The following EFCAB6 variants were observed in gnomAD, a reference collection of about 807,000 sequenced individuals.
EFCAB6 encodes the protein EF-hand calcium binding domain 6, also known as EF-hand calcium-binding domain-containing protein 6.
In EFCAB6, 156 loss-of-function variants were observed where a neutral mutation model predicts 169.8. The ratio of observed to expected loss-of-function variants is 0.92; its 90% CI spans 0.81 to 1.05. The LOEUF is 1.05. Among genes scored for constraint, EFCAB6 ranks in the 50% least tolerant of loss-of-function variants. EFCAB6 has a pLI of 0.00. For missense variants in EFCAB6, 1,800 were observed against 1,829.1 expected, an observed-to-expected ratio of 0.98 and a Z score of 0.29; for synonymous variants, 698 against 676.4, an observed-to-expected ratio of 1.03 and a Z score of -0.50.
rs376851327 is a variant in EFCAB6 at position 43,555,059 on chromosome 22, G to C, written c.3458C>G (p.Pro1153Arg). The change falls in exon 27 of 32, where the codon CCG becomes CGG. Residue 1153 changes from proline (P) to arginine (R), a missense_variant. Transcript: ENST00000262726. ...DEWAEKMPKG[P>R]PPTSPKATAD... Reference sequence around the variant, plus strand: ...TGTGGCCTTGGGAGAGGTAGGCGGCGGGCCTTTGGGCATTTTCTCAGCCCA... The same window carrying C: ...TGTGGCCTTGGGAGAGGTAGGCGGCCGGCCTTTGGGCATTTTCTCAGCCCA... The C allele has an allele frequency of 2.5e-6, 4 of 1,614,146 alleles. No homozygotes were observed. Among genetic ancestry groups the C allele is most frequent in the Non-Finnish European group, 1.7e-6 (2 of 1,180,036 alleles).
intron 10 of EFCAB6, among the ~76,000 whole-genome samples, chr22:43,708,486 A>C (rs780102566): frequency 6.6e-6 from 1 of 152,176 alleles, no homozygotes; most frequent in Non-Finnish European, 1.5e-5. Flanking sequence ...ATACAAAATA[A>C]GAGGTAGGGG....
intron 8 of EFCAB6, among the ~76,000 whole-genome samples, chr22:43,726,710 T>C (rs1469801596): frequency 6.6e-6 from 1 of 152,142 alleles, no homozygotes; most frequent in East Asian, 1.9e-4. Flanking sequence ...ATCTCCAACA[T>C]CTGTGAATAA....
chr22:43,749,126 C>T (rs938421112), intron 6 of EFCAB6, among the ~76,000 whole-genome samples: 1 of 152,092 alleles, frequency 6.6e-6, no homozygotes, highest in Non-Finnish European at 1.5e-5. Flanking sequence ...ACATAACTTG[C>T]TGACGGCCTG....
At chr22:43,634,984 C>T (rs899419187) in intron 18 of EFCAB6, 118 bp downstream of exon 18, 10 of 733,802 alleles carry the variant, frequency 1.4e-5, no homozygotes, top group South Asian at 6.6e-5. Flanking sequence ...GAAGACACCT[C>T]GTTTCAACAT....
In EFCAB6 at chr22:43,531,005, A is replaced by C. The variant is rs1478486603; in HGVS notation, c.4234-41T>G. 3 of 1,611,984 alleles carry C rather than the reference A, an allele frequency of 1.9e-6. No individual in the cohort carries two copies. In the Admixed American group the frequency reaches 5.0e-5, roughly 27 times the overall value. On this transcript the variant is annotated intron_variant, in intron 30 of 31. Coordinates refer to ENST00000262726, the MANE Select transcript of EFCAB6 (RefSeq NM_022785.4). ...GAAGGGGTGAGGAGGGAGCTTTTGA[A>C]CACGAGGGTTGGGGTGGGCTCCTCC... is the stretch of plus-strand genomic sequence containing the variant.
At chr22:43,801,525 A>G (rs1009595476) in intron 2 of EFCAB6, among the ~76,000 whole-genome samples, 15 of 152,184 alleles carry the variant, frequency 9.9e-5, no homozygotes, top group African/African-American at 3.4e-4. Context: ...AGCTACTACA[A>G]CCTGTTGAGA....
chr22:43,738,416 CACAT>C (rs1183914268), intron 6 of EFCAB6, among the ~76,000 whole-genome samples: 7 of 151,824 alleles, frequency 4.6e-5, no homozygotes, highest in Admixed American at 1.3e-4. Context: ...ATCTCTCACA[CACAT>C]ACATTCACAT....
At chr22:43,716,599 T>A (rs921381289) in intron 9 of EFCAB6, 1 of 401,038 alleles carries the variant, frequency 2.5e-6, no homozygotes, top group African/African-American at 2.1e-5. Context: ...TTTCTTTATA[T>A]GTCTTATTAG....
At chr22:43,791,117 G>C (rs1233005203) in intron 2 of EFCAB6, among the ~76,000 whole-genome samples, 1 of 152,110 alleles carries the variant, frequency 6.6e-6, no homozygotes, top group African/African-American at 2.4e-5. Context: ...AAAAGTTTGA[G>C]AATCCCAGCA....
chr22:43,802,736 G>T, intron 2 of EFCAB6: 1 of 506,578 alleles, frequency 2.0e-6, no homozygotes, highest in East Asian at 5.4e-5. Context: ...TGCCAAAACA[G>T]ACCGGGCACA....
intron 21 of EFCAB6, among the ~76,000 whole-genome samples, chr22:43,609,386 A>G (rs2053149150): frequency 6.6e-6 from 1 of 152,248 alleles, no homozygotes; most frequent in African/African-American, 2.4e-5. Context: ...TACAATTATT[A>G]TTATTCACTG....
In EFCAB6 at chr22:43,754,012, G is replaced by A. The variant is rs139585453; in HGVS notation, c.507+1754C>T. Among the ~76,000 whole-genome samples, 253 of 152,266 alleles carry A rather than the reference G, an allele frequency of 1.7e-3. 1 individual carries two copies. Among genetic ancestry groups the A allele is most frequent in the Non-Finnish European group, 2.1e-3 (143 of 68,028 alleles). ...CAGTCTCCAACATTAGTGTGTGACC[G>A]TTAGAAGGGTCAGAGTCTTCATTAG... On this transcript the variant is annotated intron_variant, in intron 6 of 31. Coordinates refer to ENST00000262726, the MANE Select transcript of EFCAB6 (RefSeq NM_022785.4).
At chr22:43,608,454 AAACC>A (rs1198197751) in intron 22 of EFCAB6, 24 bp downstream of exon 22, 1 of 1,607,910 alleles carries the variant, frequency 6.2e-7, no homozygotes, top group Non-Finnish European at 8.5e-7. Context: ...ATAAGAATGG[AAACC>A]AACCAGTCTC....
At chr22:43,624,112 T>G (rs2054322010) in intron 20 of EFCAB6, among the ~76,000 whole-genome samples, 1 of 152,030 alleles carries the variant, frequency 6.6e-6, no homozygotes, top group Admixed American at 6.5e-5. Context: ...GAGCCCGCAC[T>G]CCTTCATCTG....
intron 3 of EFCAB6, among the ~76,000 whole-genome samples, chr22:43,780,684 C>T (rs1221293406): frequency 2.0e-5 from 3 of 152,026 alleles, no homozygotes; most frequent in Non-Finnish European, 4.4e-5. Flanking sequence ...CTAAGCTAAT[C>T]CCTAATATCC....
At chr22:43,692,758 G>T (rs1374928671) in intron 10 of EFCAB6, among the ~76,000 whole-genome samples, 1 of 151,888 alleles carries the variant, frequency 6.6e-6, no homozygotes, top group Non-Finnish European at 1.5e-5. Flanking sequence ...ATACTAGATG[G>T]TCTGACATAT....
intron 25 of EFCAB6, among the ~76,000 whole-genome samples, chr22:43,576,708 C>T (rs2050279398): frequency 6.6e-6 from 1 of 152,094 alleles, no homozygotes; most frequent in African/African-American, 2.4e-5. Context: ...AGGAAATTTG[C>T]CTTACTTGCT....
chr22:43,638,312 C>A (rs904152759), intron 17 of EFCAB6, among the ~76,000 whole-genome samples: 2 of 152,220 alleles, frequency 1.3e-5, no homozygotes, highest in East Asian at 3.8e-4. Context: ...AATGTTTAAC[C>A]ATTCAAGTCA....
intron 1 of EFCAB6, among the ~76,000 whole-genome samples, chr22:43,811,687 TG>T (rs1243351670): frequency 6.6e-6 from 1 of 152,120 alleles, no homozygotes; most frequent in African/African-American, 2.4e-5. Flanking sequence ...CTAAGATAGT[TG>T]TGTGACTTTG....
Sources: gnomAD v4.1 joint callset for allele counts (sites outside exome capture counted in the v4.1 genomes callset) on GRCh38, gnomAD v4.1.1 for gene constraint, MANE v1.5 for transcripts, NCBI Gene and HGNC (gene_info 2026-07-23, HGNC 2026-07-21) for gene names.